Variants in DPY19L2 observed in about 807,000 individuals in gnomAD.
The protein encoded by DPY19L2 is dpy-19 like 2, also known as probable C-mannosyltransferase DPY19L2.
In DPY19L2, 34 loss-of-function variants were observed where a neutral mutation model predicts 97.9. The observed-to-expected ratio is 0.35, with a 90% CI of 0.26 to 0.46. The LOEUF (loss-of-function observed/expected upper bound fraction) is 0.46, where lower values mean the gene tolerates loss of function less well. Ranked by LOEUF, DPY19L2 falls within the 20% of genes least tolerant of loss-of-function variation. The pLI is 1.00. For synonymous variants in DPY19L2, 230 were observed against 307.9 expected, an observed-to-expected ratio of 0.75 and a Z score of 2.65; for missense variants, 623 against 911.4, an observed-to-expected ratio of 0.68 and a Z score of 4.07.
At chr12:63,654,511 T>C (rs1445321626) in intron 4 of DPY19L2, among the ~76,000 whole-genome samples, 1 of 152,070 alleles carries the variant, frequency 6.6e-6, no homozygotes, top group African/African-American at 2.4e-5. Flanking sequence ...AAGTGGCCAA[T>C]TGGTAAACAT....
At chr12:63,635,350 T>C (rs1344173481) in intron 6 of DPY19L2, among the ~76,000 whole-genome samples, 1 of 152,044 alleles carries the variant, frequency 6.6e-6, no homozygotes, top group Non-Finnish European at 1.5e-5. Context: ...GAAAAAAAGC[T>C]GAAAATTCTA....
rs372809192 is a variant in DPY19L2, at chr12:63,560,630, A to G, written c.2159T>C (p.Val720Ala). 1.9e-6 allele frequency: 3 copies of G among 1,613,934 alleles called. No individual in the cohort carries two copies. In the African/African-American group the frequency reaches 4.0e-5, roughly 22 times the overall value. The change falls in exon 22 of 22, where the codon GTG becomes GCG. Residue 720 changes from valine to alanine, a missense_variant. Val to Ala is a moderately conservative substitution (Grantham distance 64). Transcript: ENST00000324472. ...PGCSMLEIWD[V>A]EDPSNAANPP... ...GTTAGCTGCATTGGAAGGGTCTTCC[A>G]CATCCCAGATTTCAAGCATACTGCA...
intron 6 of DPY19L2, among the ~76,000 whole-genome samples, chr12:63,629,464 C>T (rs1351272296): frequency 1.3e-5 from 2 of 152,046 alleles, no homozygotes; most frequent in African/African-American, 2.4e-5. Flanking sequence ...GAAAGGGTAT[C>T]AGTGATGGAT....
intron 6 of DPY19L2, among the ~76,000 whole-genome samples, chr12:63,627,475 C>A (rs1359097215): frequency 6.6e-6 from 1 of 152,126 alleles, no homozygotes; most frequent in Middle Eastern, 3.4e-3. Flanking sequence ...CTCAGCCTCC[C>A]GAGTAGCTGG....
In DPY19L2 at chr12:63,658,770, A is replaced by T. The variant is rs368032518; in HGVS notation, c.588+2574T>A. Among the ~76,000 whole-genome samples the T allele has an allele frequency of 9.7e-4, 147 of 152,276 alleles. 2 individuals carry two copies. The South Asian group carries it at 0.016, about 17-fold the overall frequency. ...CACTGATCTATCTGTGTCATCACTC[A>T]GTCAACCGCATAAATTAAGACCTAG... On this transcript the variant is annotated intron_variant, in intron 4 of 21. Transcript: ENST00000324472.
intron 15 of DPY19L2, among the ~76,000 whole-genome samples, chr12:63,595,614 T>C (rs11504146): frequency 0.19 from 28,954 of 152,024 alleles, 4,085 homozygotes; most frequent in African/African-American, 0.41. Context: ...TTTAATTCTT[T>C]AGACATTTGT....
intron 13 of DPY19L2, among the ~76,000 whole-genome samples, chr12:63,598,153 AAC>A (rs1391182234): frequency 6.6e-6 from 1 of 151,866 alleles, no homozygotes; most frequent in East Asian, 1.9e-4. Context: ...AGTTAGAAAA[AAC>A]AAAGAGAAGA....
chr12:63,559,873 A>G lies in DPY19L2; in HGVS notation c.*639T>C, dbSNP rs1434414190. ...GAGAACTAACCAGTGGCAAATATGT[A>G]TCTAGTGGGGTAAACACATCTCAAG... On this transcript the variant is annotated 3_prime_UTR_variant, in exon 22 of 22. Coordinates refer to ENST00000324472, the MANE Select transcript of DPY19L2 (RefSeq NM_173812.5). 2 of 152,174 alleles carry G rather than the reference A, an allele frequency of 1.3e-5. No individual in the cohort carries two copies. Among genetic ancestry groups the G allele is most frequent in the African/African-American group, 4.8e-5 (2 of 41,446 alleles). The allele number at this position is 152,174 out of a possible 1,614,324, so 9.4% of individuals were successfully genotyped here.
intron 6 of DPY19L2, among the ~76,000 whole-genome samples, chr12:63,641,813 T>G (rs901636131): frequency 6.6e-6 from 1 of 152,174 alleles, no homozygotes; most frequent in Non-Finnish European, 1.5e-5. Context: ...TTTGGGAATA[T>G]ATACTTTAAA....
chr12:63,629,793 A>G (rs1890256989), intron 6 of DPY19L2, among the ~76,000 whole-genome samples: 1 of 152,196 alleles, frequency 6.6e-6, no homozygotes, highest in South Asian at 2.1e-4. Flanking sequence ...AATGCAGGAA[A>G]AACTGTTAAG....
At position 63,561,639 on chromosome 12, in the gene DPY19L2, T is replaced by C. The variant is rs548827636; in HGVS notation, c.2127-977A>G. Among the ~76,000 whole-genome samples, 8 of 151,686 alleles carry C rather than the reference T, an allele frequency of 5.3e-5. No individual in the cohort carries two copies. The East Asian group carries it at 1.5e-3, about 29-fold the overall frequency. ...TTCCTTTTTGTTGCTAAATAATATT[T>C]CATTGTATATAGAGAACACAATTTG... On this transcript the variant is annotated intron_variant, in intron 21 of 21. Coordinates refer to ENST00000324472, the MANE Select transcript of DPY19L2 (RefSeq NM_173812.5).
Position 63,597,918 on chromosome 12 carries a change from A to AAT in DPY19L2, c.1360-9_1360-8insAT. On this transcript the variant is annotated splice_polypyrimidine_tract_variant and intron_variant, in intron 13 of 21. Transcript: ENST00000324472. Reference sequence around the variant, plus strand: ...AAGATCACTCAGGCGAATCTGGGAGAAAATAAAGTAAAATGAATTAAAATT... The same window carrying AAT: ...AAGATCACTCAGGCGAATCTGGGAGAATAAATAAAGTAAAATGAATTAAAATT... The AAT allele has an allele frequency of 1.2e-5, 18 of 1,557,796 alleles. No homozygotes were observed. The highest frequency in any genetic ancestry group is 1.5e-5 in the Non-Finnish European group (17 of 1,144,984).
chr12:63,610,863 A>AAAAAAAAAAAAC (rs1565762248), intron 11 of DPY19L2, among the ~76,000 whole-genome samples: 7 of 100,610 alleles, frequency 7.0e-5, no homozygotes, highest in Admixed American at 1.3e-4. Flanking sequence ...AAAAAAAAAA[A>AAAAAAAAAAAAC]AAAAAAAAAA....
chr12:63,644,578 A>G lies in DPY19L2; in HGVS notation c.710-82T>C, dbSNP rs932223137. The G allele has an allele frequency of 5.9e-6, 9 of 1,537,210 alleles. 1 individual carries two copies. The African/African-American group carries it at 6.9e-5, about 12-fold the overall frequency. ...GGCATAATTATCTCAGTGCTTTGCA[A>G]TCAAGAGCTCATGAATTTGCTGAAA... On this transcript the variant is annotated intron_variant, in intron 5 of 21. Coordinates refer to ENST00000324472, the MANE Select transcript of DPY19L2 (RefSeq NM_173812.5).
At chr12:63,635,001 C>G (rs572475151) in intron 6 of DPY19L2, among the ~76,000 whole-genome samples, 9 of 152,320 alleles carry the variant, frequency 5.9e-5, no homozygotes, top group African/African-American at 1.9e-4. Context: ...GGTCCCTGAC[C>G]TCCGAGTAGC....
At position 63,560,567 on chromosome 12, in the gene DPY19L2, G is replaced by A. The variant is rs561654055; in HGVS notation, c.2222C>T (p.Pro741Leu). ...ATTCTGAAATACTGTGGTGAAGTAA[G>A]GCCTGGCGTCTTCGAGCAGGACGCT... Reference protein sequence around the residue: ...LCSVLLEDARPYFTTVFQNSV... With the variant: ...LCSVLLEDARLYFTTVFQNSV... Residue 741 changes from proline to leucine, a missense_variant, in exon 22 of 22, where the codon CCT becomes CTT. Pro to Leu is a moderately conservative substitution (Grantham distance 98). Coordinates refer to ENST00000324472, the MANE Select transcript of DPY19L2 (RefSeq NM_173812.5). 1 of 1,614,010 alleles carries A rather than the reference G, an allele frequency of 6.2e-7. No individual in the cohort carries two copies. The highest frequency in any genetic ancestry group is 1.7e-5 in the Admixed American group (1 of 60,024).
At chr12:63,644,846 T>C (rs1196064685) in intron 5 of DPY19L2, among the ~76,000 whole-genome samples, 2 of 152,152 alleles carry the variant, frequency 1.3e-5, no homozygotes, top group South Asian at 2.1e-4. Flanking sequence ...AATGATTTGT[T>C]GGGGATTCAC....
intron 21 of DPY19L2, among the ~76,000 whole-genome samples, chr12:63,566,185 C>G (rs1877652534): frequency 1.3e-5 from 2 of 152,024 alleles, no homozygotes; most frequent in South Asian, 4.1e-4. Context: ...TTTGAAATTA[C>G]TGATATGGTT....
At chr12:63,563,524 GTCTT>G (rs1447453361) in intron 21 of DPY19L2, among the ~76,000 whole-genome samples, 3 of 152,158 alleles carry the variant, frequency 2.0e-5, no homozygotes, top group African/African-American at 7.2e-5. Flanking sequence ...CGATGATGCG[GTCTT>G]TCTTTTTCAG....
Sources: gnomAD v4.1 joint callset for allele counts (sites outside exome capture counted in the v4.1 genomes callset) on GRCh38, gnomAD v4.1.1 for gene constraint, MANE v1.5 for transcripts, NCBI Gene and HGNC (gene_info 2026-07-23, HGNC 2026-07-21) for gene names.